SERTAD4: variants seen among roughly 807,000 people sequenced by gnomAD.
SERTAD4 encodes SERTA domain containing 4.
Under a neutral mutation model 32.9 loss-of-function variants are expected in SERTAD4, and 18 were observed. The ratio of observed to expected loss-of-function variants is 0.55; its 90% confidence interval spans 0.38 to 0.81. SERTAD4 has a LOEUF of 0.81. Among genes scored for constraint, SERTAD4 ranks in the 30% least tolerant of loss-of-function variants. SERTAD4 has a pLI of 0.00. For missense variants in SERTAD4, 383 were observed against 426.0 expected (o/e 0.90, Z 0.89); for synonymous variants, 150 against 156.4 (o/e 0.96, Z 0.30).
chr1:210,233,045 G>C (rs1356062691), intron 1 of SERTAD4, 34 bp downstream of exon 1: 1 of 151,410 alleles, frequency 6.6e-6, no homozygotes, highest in African/African-American at 2.4e-5. Context: ...CCGCGGGGGC[G>C]GGAGGGCCGG....
rs978177468 is a variant in SERTAD4, at chr1:210,243,306, G to T, written c.*969G>T. The T allele has an allele frequency of 1.3e-5, 3 of 227,306 alleles. No homozygotes were observed. Among genetic ancestry groups the T allele is most frequent in the Non-Finnish European group, 2.2e-5 (3 of 137,278 alleles). 14.1% of individuals were successfully genotyped at this position (227,306 alleles called of 1,614,324 possible). On this transcript the variant is annotated 3_prime_UTR_variant, in exon 4 of 4. Coordinates refer to ENST00000367012, the MANE Select transcript of SERTAD4 (RefSeq NM_019605.5). ...CACGGGCTGCTCGAGCTTTTCTATG[G>T]CAACTGTGTGTTGCTGGGGTTGGGG...
chr1:210,242,241 A>G lies in SERTAD4; in HGVS notation c.975A>G (p.Arg325=). 1 of 1,613,840 alleles carries G rather than the reference A, an allele frequency of 6.2e-7. No homozygotes were observed. The highest frequency in any genetic ancestry group is 8.5e-7 in the Non-Finnish European group (1 of 1,179,958). The change falls in exon 4 of 4, where the codon AGA becomes AGG. Residue 325 remains arginine (R), a synonymous_variant. Coordinates refer to ENST00000367012, the MANE Select transcript of SERTAD4 (RefSeq NM_019605.5). This position sits in a 1 kb window ranked among gnomAD's most constrained non-coding sequence, Gnocchi z 4.0. ...YDYFETGYNE[R]NNVNESWKKS... ...ATTTTGAGACCGGATATAATGAAAG[A>G]AACAATGTAAATGAATCTTGGAAAA...
rs761461683 is a variant in SERTAD4, at chr1:210,241,539, T to C, written c.292-19T>C. On this transcript the variant is annotated intron_variant, in intron 3 of 3. Coordinates refer to ENST00000367012, the MANE Select transcript of SERTAD4 (RefSeq NM_019605.5). Reference sequence around the variant, plus strand: ...CTTTTTCTGTTTGTTTTTTTCTTTTTTTTTTTTTTGGTTTGTAGACCATCT... The same window carrying C: ...CTTTTTCTGTTTGTTTTTTTCTTTTCTTTTTTTTTGGTTTGTAGACCATCT... 12 of 1,501,416 alleles carry C rather than the reference T, an allele frequency of 8.0e-6. No homozygotes were observed. The East Asian group carries it at 2.8e-4, about 35-fold the overall frequency. 93.0% of individuals were successfully genotyped at this position (1,501,416 alleles called of 1,614,324 possible).
intron 1 of SERTAD4, chr1:210,233,486 T>G: frequency 2.9e-6 from 1 of 348,256 alleles, no homozygotes; most frequent in South Asian, 2.1e-5. Flanking sequence ...AGAGAGGGAT[T>G]GTGGATGTCA....
rs375915517 is a variant in SERTAD4 at position 210,241,979 on chromosome 1, C to G, written c.713C>G (p.Pro238Arg). The change falls in exon 4 of 4, where the codon CCG becomes CGG. Residue 238 changes from proline (P) to arginine (R), a missense_variant. Physicochemically the swap from Pro to Arg is moderately radical, Grantham distance 103. Coordinates refer to ENST00000367012, the MANE Select transcript of SERTAD4 (RefSeq NM_019605.5). Reference sequence around the variant, plus strand: ...TCTTCCTCTCCCCCTTTGCCTTTACCGAGTTGTTCCCGCCAGGTGGATTTT... The same window carrying G: ...TCTTCCTCTCCCCCTTTGCCTTTACGGAGTTGTTCCCGCCAGGTGGATTTT... ...SSSSSPPLPL[P>R]SCSRQVDFDV... 6.8e-6 allele frequency: 11 copies of G among 1,614,038 alleles called. No homozygotes were observed. The African/African-American group carries it at 1.5e-4, about 22-fold the overall frequency.
At chr1:210,241,410 C>A in intron 3 of SERTAD4, 148 bp from the exon 4 acceptor site, 2 of 782,926 alleles carry the variant, frequency 2.6e-6, no homozygotes, top group Non-Finnish European at 1.9e-6. Context: ...CTAAATTAAC[C>A]CTGCGGAACA....
intron 1 of SERTAD4, 78 bp from the exon 2 acceptor site, chr1:210,237,866 G>A: frequency 9.0e-7 from 1 of 1,107,544 alleles, no homozygotes; most frequent in Non-Finnish European, 1.3e-6. Context: ...AAGAAATGAA[G>A]ATGCCAAGGC....
At chr1:210,235,579 C>T (rs550646297) in intron 1 of SERTAD4, among the ~76,000 whole-genome samples, 4 of 151,840 alleles carry the variant, frequency 2.6e-5, no homozygotes, top group African/African-American at 9.7e-5. Context: ...AAATAATAGC[C>T]AAGATAAATA....
At chr1:210,240,450 G>A (rs1039436851) in intron 3 of SERTAD4, among the ~76,000 whole-genome samples, 3 of 152,174 alleles carry the variant, frequency 2.0e-5, no homozygotes, top group Admixed American at 6.5e-5. Context: ...AAAGACAGCA[G>A]AATGCATTGG....
rs1452790270 is a variant in SERTAD4 at position 210,242,657 on chromosome 1, G to T, written c.*320G>T. 3.7e-6 allele frequency: 4 copies of T among 1,073,218 alleles called. No homozygotes were observed. The African/African-American group carries it at 6.6e-5, about 18-fold the overall frequency. The allele number at this position is 1,073,218 out of a possible 1,614,324, so 66.5% of individuals were successfully genotyped here. Reference sequence around the variant, plus strand: ...TTGCAATATTTCCATTGCCCCCCAAGGAGCCTGTCACTAGCTAAGAAATTT... The same window carrying T: ...TTGCAATATTTCCATTGCCCCCCAATGAGCCTGTCACTAGCTAAGAAATTT... On this transcript the variant is annotated 3_prime_UTR_variant, in exon 4 of 4. Coordinates refer to ENST00000367012, the MANE Select transcript of SERTAD4 (RefSeq NM_019605.5). This position sits in a 1 kb window ranked among gnomAD's most constrained non-coding sequence, Gnocchi z 4.0.
At chr1:210,233,120 C>T (rs1031905806) in intron 1 of SERTAD4, 109 bp downstream of exon 1, 2 of 152,042 alleles carry the variant, frequency 1.3e-5, no homozygotes, top group African/African-American at 4.8e-5. Context: ...ACGCGGCCTC[C>T]CGCGCGCCCT....
At chr1:210,246,592 A>G (rs1040240747), downstream of SERTAD4, 1 of 985,326 alleles carries the variant, frequency 1.0e-6, no homozygotes, top group African/African-American at 1.7e-5. Flanking sequence ...AGGCTGAAGA[A>G]CGATGACTAA....
chr1:210,243,098 A>G lies in SERTAD4; in HGVS notation c.*761A>G. 2 of 912,716 alleles carry G rather than the reference A, an allele frequency of 2.2e-6. No homozygotes were observed. The highest frequency in any genetic ancestry group is 2.5e-6 in the Non-Finnish European group (2 of 786,208). The allele number at this position is 912,716 out of a possible 1,614,324, so 56.5% of individuals were successfully genotyped here. On this transcript the variant is annotated 3_prime_UTR_variant, in exon 4 of 4. Transcript: ENST00000367012. ...CAGGGATTTAACAAACAGGACAAAA[A>G]AAAAAAAAAAAAAAAAACCACAGGG...
Position 210,242,914 on chromosome 1 carries a change from C to G in SERTAD4, c.*577C>G, listed in dbSNP as rs971085122. 1.0e-5 allele frequency: 10 copies of G among 985,800 alleles called. No individual in the cohort carries two copies. The Admixed American group carries it at 1.8e-4, about 18-fold the overall frequency. 61.1% of individuals were successfully genotyped at this position (985,800 alleles called of 1,614,324 possible). ...AACACACCTGTCTAGGGGCGGCAAT[C>G]AACAGTCTTACACAGAGAGGGTATT... On this transcript the variant is annotated 3_prime_UTR_variant, in exon 4 of 4. Transcript: ENST00000367012. The surrounding 1 kb of genome is among the most constrained non-coding windows in gnomAD (Gnocchi z 4.0).
At position 210,243,103 on chromosome 1, in the gene SERTAD4, A is replaced by AAC. The variant is rs2084016198; in HGVS notation, c.*767_*768insCA. On this transcript the variant is annotated 3_prime_UTR_variant, in exon 4 of 4. Coordinates refer to ENST00000367012, the MANE Select transcript of SERTAD4 (RefSeq NM_019605.5). The stretch of plus-strand genomic sequence containing the variant: ...ATTTAACAAACAGGACAAAAAAAAA[A>AAC]AAAAAAAAAAAACCACAGGGTGGAT... 1 of 947,664 alleles carries AAC rather than the reference A, an allele frequency of 1.1e-6. No individual in the cohort carries two copies. Among genetic ancestry groups the AAC allele is most frequent in the South Asian group, 4.8e-5 (1 of 20,678 alleles). 58.7% of individuals were successfully genotyped at this position (947,664 alleles called of 1,614,324 possible).
chr1:210,239,099 C>T (rs2083970938), intron 2 of SERTAD4, among the ~76,000 whole-genome samples: 1 of 151,528 alleles, frequency 6.6e-6, no homozygotes, highest in South Asian at 2.1e-4. Flanking sequence ...TCAGTGGTTA[C>T]AGTTAAAGAT....
rs2084008771 is a variant in SERTAD4, at chr1:210,242,471, C to G, written c.*134C>G. On this transcript the variant is annotated 3_prime_UTR_variant, in exon 4 of 4. Transcript: ENST00000367012. This position sits in a 1 kb window ranked among gnomAD's most constrained non-coding sequence, Gnocchi z 4.0. ...TGAACATGCCATGTCGTTTTAATGC[C>G]TGGAGAGCAGATTGCGTAAAACATC... The G allele has an allele frequency of 3.5e-6, 5 of 1,435,202 alleles. No homozygotes were observed. Among genetic ancestry groups the G allele is most frequent in the Non-Finnish European group, 4.5e-6 (5 of 1,100,202 alleles). 88.9% of individuals were successfully genotyped at this position (1,435,202 alleles called of 1,614,324 possible).
chr1:210,240,214 T>A (rs531435679), intron 3 of SERTAD4, among the ~76,000 whole-genome samples: 20 of 152,260 alleles, frequency 1.3e-4, no homozygotes, highest in African/African-American at 4.6e-4. Context: ...GGAAATTGCA[T>A]AGAATTATGA....
chr1:210,243,004 G>A lies in SERTAD4; in HGVS notation c.*667G>A. ...CTTTTAGAGAGGTGTTATACAGGGC[G>A]ATTTTTGGTGCCTTACTTTTATCTT... is the stretch of plus-strand genomic sequence containing the variant. On this transcript the variant is annotated 3_prime_UTR_variant, in exon 4 of 4. Coordinates refer to ENST00000367012, the MANE Select transcript of SERTAD4 (RefSeq NM_019605.5). 1.0e-6 allele frequency: 1 copy of A among 971,168 alleles called. No homozygotes were observed. Among genetic ancestry groups the A allele is most frequent in the Non-Finnish European group, 1.2e-6 (1 of 827,048 alleles). 60.2% of individuals were successfully genotyped at this position (971,168 alleles called of 1,614,324 possible). A position where few individuals can be genotyped will look rare whatever the true frequency, so the allele number is the denominator to read the frequency against.
Sources: gnomAD v4.1 joint callset for allele counts (sites outside exome capture counted in the v4.1 genomes callset) on GRCh38, gnomAD v4.1.1 for gene constraint, Gnocchi (gnomAD v3.1) non-coding constraint, MANE v1.5 for transcripts, NCBI Gene and HGNC (gene_info 2026-07-23, HGNC 2026-07-21) for gene names.